Variants in USO1 observed in about 807,000 individuals in gnomAD.
USO1 encodes the protein USO1 vesicle transport factor.
In USO1, 57 loss-of-function variants were observed where a neutral mutation model predicts 124.5. The ratio of observed to expected loss-of-function variants is 0.46; its 90% CI spans 0.37 to 0.57. The LOEUF (loss-of-function observed/expected upper bound fraction) is 0.57, where lower values mean the gene tolerates loss of function less well. Among genes scored for constraint, USO1 ranks in the 20% least tolerant of loss-of-function variants. The pLI, the probability that USO1 is intolerant of heterozygous loss-of-function variation, is 0.00. For missense variants in USO1, 900 were observed against 1,040.6 expected, an observed-to-expected ratio of 0.86 and a Z score of 1.86; for synonymous variants, 369 against 362.8, an observed-to-expected ratio of 1.02 and a Z score of -0.19.
At chr4:75,788,390 A>G (rs1011498953) in intron 10 of USO1, among the ~76,000 whole-genome samples, 3 of 147,946 alleles carry the variant, frequency 2.0e-5, no homozygotes, top group African/African-American at 5.0e-5. Flanking sequence ...CTGGTCTCGA[A>G]CTCCTGACCT....
chr4:75,739,251 A>G (rs576054145), intron 1 of USO1, among the ~76,000 whole-genome samples: 1 of 152,300 alleles, frequency 6.6e-6, no homozygotes, highest in Non-Finnish European at 1.5e-5. Context: ...ACTTTAAAAG[A>G]TTATATTTAA....
chr4:75,732,491 A>G (rs1021073876), intron 1 of USO1, among the ~76,000 whole-genome samples: 3 of 152,150 alleles, frequency 2.0e-5, no homozygotes, highest in African/African-American at 7.2e-5. Flanking sequence ...TGGCTTTTTG[A>G]TAGAATGATT....
At chr4:75,740,244 G>C (rs755486475) in intron 1 of USO1, among the ~76,000 whole-genome samples, 2 of 152,152 alleles carry the variant, frequency 1.3e-5, no homozygotes, top group African/African-American at 4.8e-5. Context: ...ATGAAAATGT[G>C]ATCAGAGGCT....
chr4:75,748,955 T>C (rs971393755), intron 1 of USO1, among the ~76,000 whole-genome samples: 2 of 151,638 alleles, frequency 1.3e-5, no homozygotes, highest in African/African-American at 2.4e-5. Context: ...AAAAAAAATA[T>C]ATATATACAT....
intron 12 of USO1, among the ~76,000 whole-genome samples, chr4:75,792,394 G>A (rs1045568679): frequency 2.0e-4 from 31 of 152,142 alleles, no homozygotes; most frequent in Admixed American, 1.1e-3. Flanking sequence ...AAAATTATCC[G>A]GGCATGGTGA....
At chr4:75,755,044 G>A (rs1032656447) in intron 3 of USO1, among the ~76,000 whole-genome samples, 1 of 152,122 alleles carries the variant, frequency 6.6e-6, no homozygotes, top group African/African-American at 2.4e-5. Context: ...CATTGCTATT[G>A]GCAAGAGGCC....
chr4:75,792,867 ATC>A (rs1722570905), intron 12 of USO1, among the ~76,000 whole-genome samples: 1 of 151,960 alleles, frequency 6.6e-6, no homozygotes, highest in Non-Finnish European at 1.5e-5. Flanking sequence ...CACCTTTCTA[ATC>A]TCTGTGTCCA....
chr4:75,811,415 C>T (rs2047990), intron 22 of USO1, among the ~76,000 whole-genome samples: 17 of 152,122 alleles, frequency 1.1e-4, no homozygotes, highest in Non-Finnish European at 1.9e-4. Context: ...ATTGGCCCCC[C>T]CCAAAGTGCT....
intron 1 of USO1, among the ~76,000 whole-genome samples, chr4:75,743,155 TC>T (rs1283613357): frequency 6.6e-6 from 1 of 151,658 alleles, no homozygotes; most frequent in East Asian, 1.9e-4. Flanking sequence ...TGGCTAATTT[TC>T]TTGTATTTTT....
Position 75,774,744 on chromosome 4 carries a change from T to A in USO1, c.624T>A (p.Asn208Lys). The change falls in exon 8 of 24, where the codon AAT (asparagine) becomes AAA (lysine). Residue 208 changes from asparagine (N) to lysine (K), a missense_variant. Coordinates refer to ENST00000514213, the MANE Select transcript of USO1 (RefSeq NM_003715.4). ...TCCAGAAAATTGTTGCTTTTGAAAA[T>A]GCTTTCGAGAGACTACTGGACATTA... ...GAIQKIVAFE[N>K]AFERLLDIIS... The A allele has an allele frequency of 6.2e-7, 1 of 1,613,750 alleles. No homozygotes were observed. The highest frequency in any genetic ancestry group is 1.3e-5 in the African/African-American group (1 of 75,032).
Position 75,805,797 on chromosome 4 carries a change from A to C in USO1, c.2289+494A>C, listed in dbSNP as rs113517682. 2.0e-3 allele frequency among the ~76,000 whole-genome samples: 300 copies of C among 152,124 alleles called. 2 individuals carry two copies. The highest frequency in any genetic ancestry group is 7.0e-3 in the African/African-American group (289 of 41,484). On this transcript the variant is annotated intron_variant, in intron 19 of 23. Transcript: ENST00000514213. Reference sequence around the variant, plus strand: ...GCTTCCTGGCTCATTGAATTTAAGCAATTTAGTTAACCTCTTTAAACTTGT... The same window carrying C: ...GCTTCCTGGCTCATTGAATTTAAGCCATTTAGTTAACCTCTTTAAACTTGT...
At chr4:75,765,529 TC>T (rs1431344603) in intron 4 of USO1, among the ~76,000 whole-genome samples, 3 of 152,152 alleles carry the variant, frequency 2.0e-5, no homozygotes, top group Non-Finnish European at 2.9e-5. Context: ...GCTCCCAAGT[TC>T]CCATTATCTT....
chr4:75,768,040 A>G (rs1274945987), intron 4 of USO1, among the ~76,000 whole-genome samples: 1 of 151,786 alleles, frequency 6.6e-6, no homozygotes, highest in Non-Finnish European at 1.5e-5. Flanking sequence ...TTTTTGGGAC[A>G]GGGTCTTACT....
intron 1 of USO1, among the ~76,000 whole-genome samples, chr4:75,730,415 TA>T (rs890874255): frequency 2.0e-5 from 3 of 152,162 alleles, no homozygotes; most frequent in Admixed American, 1.3e-4. Flanking sequence ...AAAATGTAGA[TA>T]AAAAGTAAGC....
At chr4:75,740,523 A>G (rs184280333) in intron 1 of USO1, among the ~76,000 whole-genome samples, 52 of 152,320 alleles carry the variant, frequency 3.4e-4, no homozygotes, top group African/African-American at 1.3e-3. Context: ...CCTGGCTTCA[A>G]GCAGTCCTCC....
chr4:75,799,504 C>A, intron 13 of USO1, 118 bp from the exon 14 acceptor site: 1 of 1,154,730 alleles, frequency 8.7e-7, no homozygotes, highest in Non-Finnish European at 1.2e-6. Context: ...GGATTTCTGG[C>A]TCATCTCTTG....
chr4:75,725,078 G>GC, intron 1 of USO1, 193 bp downstream of exon 1: 1 of 646,288 alleles, frequency 1.5e-6, no homozygotes, highest in South Asian at 2.0e-5. Context: ...AGTCCCCATT[G>GC]CTGCCGTTCG....
Position 75,800,727 on chromosome 4 carries a change from C to T in USO1, c.1792C>T (p.Gln598Ter). 2 of 1,611,990 alleles carry T rather than the reference C, an allele frequency of 1.2e-6. No homozygotes were observed. Among genetic ancestry groups the T allele is most frequent in the Non-Finnish European group, 8.5e-7 (1 of 1,179,398 alleles). ...ELYSRASQKP[Q>*]PNFPSPEYMI... ...GTATTCCAGAGCATCTCAGAAACCCCAGCCAAACTTTCCCAGTCCAGAATA... is the reference window on the plus strand; with the variant it reads ...GTATTCCAGAGCATCTCAGAAACCCTAGCCAAACTTTCCCAGTCCAGAATA... Residue 598 changes from glutamine (Q) to a stop codon, truncating the protein, a stop_gained, in exon 16 of 24, where the codon CAG becomes TAG. Coordinates refer to ENST00000514213, the MANE Select transcript of USO1 (RefSeq NM_003715.4). LOFTEE classifies it high-confidence loss of function.
At chr4:75,796,556 G>C (rs970855820) in intron 13 of USO1, among the ~76,000 whole-genome samples, 1 of 151,604 alleles carries the variant, frequency 6.6e-6, no homozygotes, top group Non-Finnish European at 1.5e-5. Flanking sequence ...GGCTGGTCTC[G>C]AACTCCTGAT....
Sources: allele counts gnomAD v4.1 joint callset (sites outside exome capture counted in the v4.1 genomes callset), GRCh38; gene constraint gnomAD v4.1.1; transcripts MANE v1.5; gene names NCBI Gene and HGNC (gene_info 2026-07-23, HGNC 2026-07-21).